Variants in PPP5C observed in about 807,000 individuals in gnomAD.
PPP5C encodes serine/threonine-protein phosphatase 5.
PPP5C carries 21 observed loss-of-function variants against 66.7 expected under a neutral mutation model. That is an observed-to-expected ratio of 0.31 (90% CI 0.22 to 0.45). The LOEUF is 0.45. PPP5C is among the 20% of genes least tolerant of loss of function. PPP5C has a pLI of 1.00. For synonymous variants in PPP5C, 246 were observed against 257.4 expected (o/e 0.96, Z 0.43); for missense variants, 464 against 675.9 (o/e 0.69, Z 3.48).
intron 11 of PPP5C, 72 bp from the exon 12 acceptor site, chr19:46,389,979 C>T: frequency 7.2e-7 from 1 of 1,387,636 alleles, no homozygotes; most frequent in Non-Finnish European, 1.0e-6. Context: ...TCTTGCCCAG[C>T]CATTCCTTCT....
chr19:46,351,037 C>T (rs943834107), intron 1 of PPP5C, among the ~76,000 whole-genome samples: 2 of 152,170 alleles, frequency 1.3e-5, no homozygotes, highest in Non-Finnish European at 2.9e-5. Flanking sequence ...TCTCAACTGT[C>T]TTCCCCTCTC....
At chr19:46,390,211 G>A (rs1972991715) in intron 12 of PPP5C, 73 bp from the exon 13 acceptor site, 2 of 1,606,590 alleles carry the variant, frequency 1.2e-6, no homozygotes, top group African/African-American at 1.3e-5. Flanking sequence ...AAGGGGCAGG[G>A]GTAGGTTCTG....
chr19:46,353,708 G>C, intron 1 of PPP5C, 40 bp from the exon 2 acceptor site: 2 of 1,612,608 alleles, frequency 1.2e-6, no homozygotes, highest in Middle Eastern at 1.7e-4. Context: ...TCCTCGCAGG[G>C]TTGGAGCACT....
Position 46,386,704 on chromosome 19 carries a change from G to A in PPP5C, c.905-389G>A, listed in dbSNP as rs185823649. The A allele has an allele frequency of 6.6e-4, 180 of 272,498 alleles. No homozygotes were observed. The East Asian group carries it at 0.013, about 20-fold the overall frequency. The allele number at this position is 272,498 out of a possible 1,614,324, so 16.9% of individuals were successfully genotyped here. ...CATAGCTCACTGCAGCCTCTGCTTC[G>A]TGGGCTCAAGTGATCCTCTGGCCTC... is the stretch of plus-strand genomic sequence containing the variant. On this transcript the variant is annotated intron_variant, in intron 7 of 12. Transcript: ENST00000012443.
chr19:46,379,854 T>TG (rs112419328), intron 4 of PPP5C, among the ~76,000 whole-genome samples: 34,058 of 152,130 alleles, frequency 0.22, 4,396 homozygotes, highest in Non-Finnish European at 0.3. Flanking sequence ...GTGCTCTCCT[T>TG]GGGAGAACTG....
chr19:46,349,651 T>C (rs1972147961), intron 1 of PPP5C, among the ~76,000 whole-genome samples: 1 of 151,868 alleles, frequency 6.6e-6, no homozygotes, highest in Admixed American at 6.6e-5. Flanking sequence ...GTGCTGTGGT[T>C]CAGTTAGTGT....
At chr19:46,347,511 T>C (rs993126990) in intron 1 of PPP5C, among the ~76,000 whole-genome samples, 1 of 150,806 alleles carries the variant, frequency 6.6e-6, no homozygotes, top group African/African-American at 2.4e-5. Context: ...ACGTGAGGCC[T>C]GTAGAGGGCG....
intron 2 of PPP5C, among the ~76,000 whole-genome samples, chr19:46,356,572 G>A (rs181774174): frequency 5.9e-4 from 90 of 152,322 alleles, no homozygotes; most frequent in African/African-American, 2.1e-3. Context: ...AATTCAGACT[G>A]AGGCCTAGAG....
Sources: allele counts gnomAD v4.1 joint callset (sites outside exome capture counted in the v4.1 genomes callset), GRCh38; gene constraint gnomAD v4.1.1; transcripts MANE v1.5; gene names NCBI Gene and HGNC (gene_info 2026-07-23, HGNC 2026-07-21).